Variants in CMIP observed in about 807,000 individuals in gnomAD.
CMIP encodes the protein C-Maf-inducing protein.
CMIP carries 13 observed loss-of-function variants against 97.3 expected under a neutral mutation model. The ratio of observed to expected loss-of-function variants is 0.13; its 90% CI spans 0.09 to 0.21. The LOEUF (loss-of-function observed/expected upper bound fraction) is 0.21, where lower values mean the gene tolerates loss of function less well. Among genes scored for constraint, CMIP ranks in the 10% least tolerant of loss-of-function variants. The pLI, the probability that CMIP is intolerant of heterozygous loss-of-function variation, is 1.00. For synonymous variants in CMIP, 538 were observed against 436.3 expected (o/e 1.23, Z -2.91); for missense variants, 847 against 1,024.9 (o/e 0.83, Z 2.37).
chr16:81,451,309 C>A (rs988417967), intron 1 of CMIP, among the ~76,000 whole-genome samples: 1 of 152,194 alleles, frequency 6.6e-6, no homozygotes, highest in African/African-American at 2.4e-5. Context: ...CTTTCATTCT[C>A]CTCTTGTCTG....
At chr16:81,577,971 A>G (rs2091228001) in intron 1 of CMIP, among the ~76,000 whole-genome samples, 1 of 150,002 alleles carries the variant, frequency 6.7e-6, no homozygotes, top group Admixed American at 6.6e-5. Flanking sequence ...CCACTACATT[A>G]TTATCACTAT....
In CMIP at chr16:81,704,084, A is replaced by G; in HGVS notation, c.2090A>G (p.Gln697Arg). 1 of 1,603,442 alleles carries G rather than the reference A, an allele frequency of 6.2e-7. No homozygotes were observed. The highest frequency in any genetic ancestry group is 8.5e-7 in the Non-Finnish European group (1 of 1,176,114). ...AAGCAGCTGAACCTGTGGTCCACTC[A>G]GGTACGTCCTCCCGCCCTGCTGCAG... ...SLKQLNLWST[Q>R]FGDAGLRLLS... is the part of the protein sequence containing the mutation. The change falls in exon 18 of 21, where the codon CAG (glutamine) becomes CGG (arginine). Residue 697 changes from glutamine to arginine, a missense_variant and splice_region_variant. Physicochemically the swap from Gln to Arg is conservative, Grantham distance 43 (BLOSUM62 1). Coordinates refer to ENST00000537098, the MANE Select transcript of CMIP (RefSeq NM_198390.3).
chr16:81,657,554 A>G (rs543877820), intron 4 of CMIP, among the ~76,000 whole-genome samples: 1 of 152,280 alleles, frequency 6.6e-6, no homozygotes, highest in East Asian at 1.9e-4. Flanking sequence ...CGAAACAGGG[A>G]CAAGAACTCA....
At chr16:81,675,129 G>A (rs1038683085) in intron 9 of CMIP, among the ~76,000 whole-genome samples, 2 of 152,180 alleles carry the variant, frequency 1.3e-5, no homozygotes, top group African/African-American at 4.8e-5. Context: ...GGAAGAGGGT[G>A]ACCCAGGGAG....
rs746344679 is a variant in CMIP, at chr16:81,445,404, C to A, written c.163C>A (p.Leu55Met). 1 of 1,602,978 alleles carries A rather than the reference C, an allele frequency of 6.2e-7. No homozygotes were observed. The highest frequency in any genetic ancestry group is 8.5e-7 in the Non-Finnish European group (1 of 1,175,038). The change falls in exon 1 of 21, where the codon CTG becomes ATG. Residue 55 changes from leucine (L) to methionine (M), a missense_variant. This residue lies in a region of CMIP where 94 missense variants were observed against 79.9 expected (regional missense o/e 1.18). Transcript: ENST00000537098. ...TTGCAACGGGATGAGGTACAAACTGCTGCAGGAGGGCGACATTCAGGTCTG... is the reference window on the plus strand; with the variant it reads ...TTGCAACGGGATGAGGTACAAACTGATGCAGGAGGGCGACATTCAGGTCTG... ...LLCNGMRYKL[L>M]QEGDIQVCVI...
At chr16:81,532,376 A>G (rs1305486724) in intron 1 of CMIP, among the ~76,000 whole-genome samples, 1 of 152,232 alleles carries the variant, frequency 6.6e-6, no homozygotes, top group Non-Finnish European at 1.5e-5. Context: ...TGTCTTTTAG[A>G]AGATTGACTA....
chr16:81,543,953 C>T (rs2090495488), intron 1 of CMIP, among the ~76,000 whole-genome samples: 1 of 152,228 alleles, frequency 6.6e-6, no homozygotes, highest in South Asian at 2.1e-4. Flanking sequence ...GTTTATCTTA[C>T]TTGGGAGAAC....
intron 19 of CMIP, among the ~76,000 whole-genome samples, chr16:81,706,361 C>T (rs1259552684): frequency 6.6e-6 from 1 of 152,202 alleles, no homozygotes; most frequent in Non-Finnish European, 1.5e-5. Context: ...ATGACTCCTA[C>T]CGGGCCGCTG....
chr16:81,607,167 C>T (rs896533114), intron 1 of CMIP, among the ~76,000 whole-genome samples: 5 of 152,146 alleles, frequency 3.3e-5, no homozygotes, highest in African/African-American at 9.7e-5. Flanking sequence ...GATGCATATC[C>T]GTGGGGAGAG....
At chr16:81,693,531 G>C (rs1200142133) in intron 13 of CMIP, 44 bp downstream of exon 13, 7 of 1,592,922 alleles carry the variant, frequency 4.4e-6, no homozygotes, top group Non-Finnish European at 6.0e-6. Context: ...GTCTGGGGAT[G>C]GCAGGATGCA....
intron 1 of CMIP, among the ~76,000 whole-genome samples, chr16:81,558,924 G>C (rs2090822567): frequency 6.6e-6 from 1 of 152,190 alleles, no homozygotes; most frequent in Admixed American, 6.5e-5. Context: ...TCCTTTGAAA[G>C]CAAGGTGCAA....
intron 1 of CMIP, chr16:81,519,399 C>G (rs915648130): frequency 6.6e-6 from 1 of 152,248 alleles, no homozygotes; most frequent in African/African-American, 2.4e-5. Context: ...GCCTGGGCTG[C>G]CCAAAGAAAG....
rs184543265 is a variant in CMIP at position 81,447,566 on chromosome 16, C to T, written c.300+2025C>T. Among the ~76,000 whole-genome samples, 36 of 152,306 alleles carry T rather than the reference C, an allele frequency of 2.4e-4. No homozygotes were observed. The East Asian group carries it at 3.7e-3, about 16-fold the overall frequency. ...GCACCATCGGTAGTGTGGGCCTTTC[C>T]GGAAAGCACCTGTCTAGTACTGGGG... On this transcript the variant is annotated intron_variant, in intron 1 of 20. Coordinates refer to ENST00000537098, the MANE Select transcript of CMIP (RefSeq NM_198390.3).
At chr16:81,669,065 C>G (rs1451463675) in intron 7 of CMIP, among the ~76,000 whole-genome samples, 3 of 145,658 alleles carry the variant, frequency 2.1e-5, no homozygotes, top group Non-Finnish European at 4.5e-5. Flanking sequence ...ACACCCACCT[C>G]TCACACTCAC....
At chr16:81,520,702 C>A (rs1477005167) in intron 1 of CMIP, 1 of 152,120 alleles carries the variant, frequency 6.6e-6, no homozygotes, top group African/African-American at 2.4e-5. Flanking sequence ...TTAAGTTGAT[C>A]AGAATTTCTC....
At chr16:81,608,138 T>C (rs1322969281) in intron 2 of CMIP, among the ~76,000 whole-genome samples, 1 of 152,188 alleles carries the variant, frequency 6.6e-6, no homozygotes, top group African/African-American at 2.4e-5. Context: ...CTGATAGAAG[T>C]ATAAGCTATC....
rs770223283 is a variant in CMIP, at chr16:81,445,406, G to T, written c.165G>T (p.Leu55=). 6 of 1,601,888 alleles carry T rather than the reference G, an allele frequency of 3.7e-6. No homozygotes were observed. In the African/African-American group the frequency reaches 5.4e-5, roughly 14 times the overall value. Residue 55 remains leucine (L), a synonymous_variant, in exon 1 of 21, where the codon CTG becomes CTT. Coordinates refer to ENST00000537098, the MANE Select transcript of CMIP (RefSeq NM_198390.3). ...LLCNGMRYKL[L]QEGDIQVCVI... ...GCAACGGGATGAGGTACAAACTGCT[G>T]CAGGAGGGCGACATTCAGGTCTGTG...
intron 1 of CMIP, among the ~76,000 whole-genome samples, chr16:81,462,359 CTA>C (rs1221596587): frequency 2.0e-5 from 3 of 152,074 alleles, no homozygotes; most frequent in African/African-American, 7.2e-5. Flanking sequence ...AACTTAGCAA[CTA>C]TGTGTTTTTT....
intron 13 of CMIP, chr16:81,695,408 G>A (rs1239905099): frequency 6.6e-6 from 1 of 152,214 alleles, no homozygotes; most frequent in Non-Finnish European, 1.5e-5. Context: ...CAGCTCAGAG[G>A]GAAAAATAAA....
Sources: gnomAD v4.1 joint callset for allele counts (sites outside exome capture counted in the v4.1 genomes callset) on GRCh38, gnomAD v4.1.1 for gene constraint, gnomAD v4.1.1 regional missense constraint, MANE v1.5 for transcripts, NCBI Gene and HGNC (gene_info 2026-07-23, HGNC 2026-07-21) for gene names.